The following ERAP2 variants were observed in gnomAD, a reference collection of about 807,000 sequenced individuals.
The protein encoded by ERAP2 is leukocyte-derived arginine aminopeptidase.
ERAP2 carries 118 observed loss-of-function variants against 111.1 expected under a neutral mutation model. The ratio of observed to expected loss-of-function variants is 1.06; its 90% confidence interval spans 0.92 to 1.24. ERAP2 has a LOEUF of 1.24. Ranked by LOEUF, ERAP2 falls within the 50% of genes most tolerant of loss-of-function variation. The pLI is 0.00. For synonymous variants in ERAP2, 410 were observed against 401.2 expected (o/e 1.02, Z -0.26); for missense variants, 1,131 against 1,125.8 (o/e 1.00, Z -0.07).
intron 13 of ERAP2, among the ~76,000 whole-genome samples, chr5:96,906,417 C>T (rs562792639): frequency 1.3e-5 from 2 of 152,252 alleles, no homozygotes; most frequent in East Asian, 1.9e-4. Context: ...CAGGCACACA[C>T]CACCATGCCC....
chr5:96,892,586 C>G (rs1253943399), intron 6 of ERAP2, 133 bp downstream of exon 6: 13 of 997,610 alleles, frequency 1.3e-5, no homozygotes, highest in Non-Finnish European at 1.9e-5. Flanking sequence ...CTAAACCTAA[C>G]ACAACGTCAA....
intron 10 of ERAP2, 21 bp downstream of exon 10, chr5:96,900,210 A>G (rs763396094): frequency 1.9e-6 from 3 of 1,613,082 alleles, no homozygotes; most frequent in Non-Finnish European, 2.5e-6. Context: ...AGAGAGTCAC[A>G]GAGTAGAAGA....
At chr5:96,877,038 G>A (rs934466585) in intron 1 of ERAP2, among the ~76,000 whole-genome samples, 3 of 152,102 alleles carry the variant, frequency 2.0e-5, no homozygotes, top group Admixed American at 1.3e-4. Flanking sequence ...GCAGCAGCAC[G>A]ATCTCGGCTC....
intron 4 of ERAP2, among the ~76,000 whole-genome samples, chr5:96,887,302 ACTTTT>A (rs930196416): frequency 5.1e-5 from 6 of 118,658 alleles, no homozygotes; most frequent in Non-Finnish European, 1.0e-4. Context: ...GTTGTTTCCG[ACTTTT>A]TTTTTTTTTT....
chr5:96,885,584 T>A (rs1265553825), intron 3 of ERAP2, among the ~76,000 whole-genome samples: 1 of 152,218 alleles, frequency 6.6e-6, no homozygotes, highest in Non-Finnish European at 1.5e-5. Context: ...TGGTAATGCT[T>A]CAAGCTATTT....
chr5:96,919,209 T>C lies in ERAP2; in HGVS notation c.*1604T>C, dbSNP rs1787739953. ...TATAATTCCATATACCTTTCTTTGA[T>C]GCCACAGTCAGAGATAGAATACAGT... On this transcript the variant is annotated 3_prime_UTR_variant, in exon 19 of 19. Transcript: ENST00000437043. 2 of 152,332 alleles carry C rather than the reference T, an allele frequency of 1.3e-5. No individual in the cohort carries two copies. The highest frequency in any genetic ancestry group is 4.8e-5 in the African/African-American group (2 of 41,466). The allele number at this position is 152,332 out of a possible 1,614,324, so 9.4% of individuals were successfully genotyped here. A position where few individuals can be genotyped will look rare whatever the true frequency, so the allele number is the denominator to read the frequency against.
At chr5:96,876,646 T>C (rs146427120) in intron 1 of ERAP2, 119 bp downstream of exon 1, 1 of 152,520 alleles carries the variant, frequency 6.6e-6, no homozygotes, top group Non-Finnish European at 1.5e-5. Flanking sequence ...GGCAAGGTTC[T>C]GGGGGACTGG....
At chr5:96,891,385 A>G (rs55691766) in intron 5 of ERAP2, among the ~76,000 whole-genome samples, 81,155 of 148,418 alleles carry the variant, frequency 0.55, 22,154 homozygotes, top group Middle Eastern at 0.6. Context: ...ATATATATAT[A>G]TGTGTATACA....
In ERAP2 at chr5:96,901,612, G is replaced by A. The variant is rs1013912308; in HGVS notation, c.1679G>A (p.Arg560Gln). Residue 560 changes from arginine to glutamine, a missense_variant, in exon 11 of 19, where the codon CGA becomes CAA. Coordinates refer to ENST00000437043, the MANE Select transcript of ERAP2 (RefSeq NM_022350.5). ...GTTAAACAAGACGGGTGTTCACTCC[G>A]ACTGCAACAGGAGCGCTTCCTCCAG... The part of the protein sequence containing the change: ...LVVKQDGCSL[R>Q]LQQERFLQGV... 15 of 1,613,986 alleles carry A rather than the reference G, an allele frequency of 9.3e-6. No homozygotes were observed. Among genetic ancestry groups the A allele is most frequent in the South Asian group, 5.5e-5 (5 of 91,074 alleles).
At chr5:96,898,320 A>C (rs1053881137) in intron 9 of ERAP2, among the ~76,000 whole-genome samples, 1 of 152,152 alleles carries the variant, frequency 6.6e-6, no homozygotes, top group African/African-American at 2.4e-5. Context: ...CTTATGGTCC[A>C]ACTGATGTGT....
intron 5 of ERAP2, among the ~76,000 whole-genome samples, chr5:96,891,561 CACAT>C (rs1477770860): frequency 1.1e-4 from 13 of 118,930 alleles, no homozygotes; most frequent in African/African-American, 2.9e-4. Flanking sequence ...CACACACACA[CACAT>C]ATATGGTACA....
At chr5:96,896,568 A>G in intron 8 of ERAP2, 64 bp downstream of exon 8, 1 of 1,563,926 alleles carries the variant, frequency 6.4e-7, no homozygotes, top group Non-Finnish European at 8.7e-7. Context: ...CTATAGAATC[A>G]GCAGTTTAAG....
rs771025592 is a variant in ERAP2, at chr5:96,913,403, G to C, written c.2603G>C (p.Gly868Ala). Residue 868 changes from glycine (G) to alanine (A), a missense_variant, in exon 17 of 19, where the codon GGG (glycine) becomes GCG (alanine). Coordinates refer to ENST00000437043, the MANE Select transcript of ERAP2 (RefSeq NM_022350.5). Reference protein sequence around the residue: ...LLHAIARRPKGQQLAWDFVRE... With the variant: ...LLHAIARRPKAQQLAWDFVRE... ...CATGCGATTGCCAGACGTCCAAAGG[G>C]GCAGCAACTAGCATGGGATTTTGTA... 2 of 1,614,052 alleles carry C rather than the reference G, an allele frequency of 1.2e-6. No individual in the cohort carries two copies. Among genetic ancestry groups the C allele is most frequent in the South Asian group, 1.1e-5 (1 of 91,060 alleles).
chr5:96,898,446 CA>C (rs1414404744), intron 9 of ERAP2, among the ~76,000 whole-genome samples: 1 of 151,444 alleles, frequency 6.6e-6, no homozygotes, highest in African/African-American at 2.4e-5. Flanking sequence ...TTTTTACTTA[CA>C]AAAATACTTA....
intron 6 of ERAP2, among the ~76,000 whole-genome samples, chr5:96,894,535 A>G (rs189056246): frequency 1.5e-4 from 23 of 152,356 alleles, no homozygotes; most frequent in African/African-American, 4.6e-4. Context: ...TATAGACTAA[A>G]TAAATAAAAC....
chr5:96,879,829 G>A lies in ERAP2; in HGVS notation c.144G>A (p.Glu48=), dbSNP rs1782948597. 1 of 1,614,094 alleles carries A rather than the reference G, an allele frequency of 6.2e-7. No individual in the cohort carries two copies. Among genetic ancestry groups the A allele is most frequent in the Non-Finnish European group, 8.5e-7 (1 of 1,180,032 alleles). The change falls in exon 2 of 19, where the codon GAG becomes GAA. Residue 48 remains glutamate, a synonymous_variant. Coordinates refer to ENST00000437043, the MANE Select transcript of ERAP2 (RefSeq NM_022350.5). ...TGCCATCTAGTTATCACTTCACTGAGGATCCTGGGGCTTTCCCAGTAGCCA... is the reference window on the plus strand; with the variant it reads ...TGCCATCTAGTTATCACTTCACTGAAGATCCTGGGGCTTTCCCAGTAGCCA... The part of the protein sequence containing the change: ...FSVPSSYHFT[E]DPGAFPVATN...
rs2548527 is a variant in ERAP2, at chr5:96,908,881, A to G, written c.2013-80A>G. ...TGACCTACTTCTGTTATTGTTCTCT[A>G]TTTCATATTTGTTTTAATGTTAAAA... On this transcript the variant is annotated intron_variant, in intron 13 of 18. Transcript: ENST00000437043. 20 of 1,396,054 alleles carry G rather than the reference A, an allele frequency of 1.4e-5. No homozygotes were observed. The South Asian group carries it at 2.3e-4, about 16-fold the overall frequency. The allele number at this position is 1,396,054 out of a possible 1,614,324, so 86.5% of individuals were successfully genotyped here. A position where few individuals can be genotyped will look rare whatever the true frequency, so the allele number is the denominator to read the frequency against.
chr5:96,880,209 G>A lies in ERAP2; in HGVS notation c.524G>A (p.Gly175Asp), dbSNP rs140628405. Residue 175 changes from glycine to aspartate, a missense_variant, in exon 2 of 19, where the codon GGC (glycine) becomes GAC (aspartate). Coordinates refer to ENST00000437043, the MANE Select transcript of ERAP2 (RefSeq NM_022350.5). ...AMDFQAKLGD[G>D]FEGFYKSTYR... ...GACTTCCAAGCCAAGTTAGGTGATG[G>A]CTTTGAAGGGTTTTATAAAAGCACA... 6.2e-7 allele frequency: 1 copy of A among 1,613,916 alleles called. No homozygotes were observed. Among genetic ancestry groups the A allele is most frequent in the African/African-American group, 1.3e-5 (1 of 74,916 alleles).
At position 96,909,451 on chromosome 5, in the gene ERAP2, C is replaced by A. The variant is rs559938713; in HGVS notation, c.2170-129C>A. ...CAGCCAGAAAAAGATAAGAGAAATA[C>A]GAAGATACACTGTTTGGGGAAAGAT... is the stretch of plus-strand genomic sequence containing the variant. On this transcript the variant is annotated intron_variant, in intron 14 of 18. Coordinates refer to ENST00000437043, the MANE Select transcript of ERAP2 (RefSeq NM_022350.5). 16 of 730,734 alleles carry A rather than the reference C, an allele frequency of 2.2e-5. No homozygotes were observed. The East Asian group carries it at 3.6e-4, about 16-fold the overall frequency. 45.3% of individuals were successfully genotyped at this position (730,734 alleles called of 1,614,324 possible). A position where few individuals can be genotyped will look rare whatever the true frequency, so the allele number is the denominator to read the frequency against.
Sources: gnomAD v4.1 joint callset for allele counts (sites outside exome capture counted in the v4.1 genomes callset) on GRCh38, gnomAD v4.1.1 for gene constraint, MANE v1.5 for transcripts, NCBI Gene and HGNC (gene_info 2026-07-23, HGNC 2026-07-21) for gene names.